DOK6: variants seen among roughly 807,000 people sequenced by gnomAD.
The protein encoded by DOK6 is downstream of tyrosine kinase 6.
Under a neutral mutation model 44.0 loss-of-function variants are expected in DOK6, and 22 were observed. The ratio of observed to expected loss-of-function variants is 0.50; its 90% confidence interval spans 0.36 to 0.71. The LOEUF (loss-of-function observed/expected upper bound fraction) is 0.71. DOK6 is among the 30% of genes least tolerant of loss of function. The pLI is 0.00. For synonymous variants in DOK6, 166 were observed against 145.5 expected (o/e 1.14, Z -1.01); for missense variants, 340 against 416.4 (o/e 0.82, Z 1.60).
At position 69,658,698 on chromosome 18, in the gene DOK6, T is replaced by C. The variant is rs140272913; in HGVS notation, c.290-19036T>C. Among the ~76,000 whole-genome samples, 46 of 152,272 alleles carry C rather than the reference T, an allele frequency of 3.0e-4. No individual in the cohort carries two copies. In the East Asian group the frequency reaches 8.7e-3, roughly 29 times the overall value. On this transcript the variant is annotated intron_variant, in intron 3 of 7. Transcript: ENST00000382713. ...TCTCTATTTATTTCATAAACGGAAA[T>C]GAGTCTTTTTCTGCTGTCTTTTTCT...
At chr18:69,663,487 C>T (rs1422454920) in intron 3 of DOK6, 1 of 151,450 alleles carries the variant, frequency 6.6e-6, no homozygotes, top group African/African-American at 2.4e-5. Flanking sequence ...CTAAACTCCA[C>T]CTGGAATATG....
intron 1 of DOK6, among the ~76,000 whole-genome samples, chr18:69,412,930 T>C (rs1978312545): frequency 6.6e-6 from 1 of 152,096 alleles, no homozygotes; most frequent in African/African-American, 2.4e-5. Context: ...GGAGGAATCT[T>C]CACAGGGGAG....
At chr18:69,668,523 T>G (rs778971222) in intron 3 of DOK6, among the ~76,000 whole-genome samples, 1 of 152,214 alleles carries the variant, frequency 6.6e-6, no homozygotes, top group East Asian at 1.9e-4. Flanking sequence ...ATTTTTGGAG[T>G]GTACTCATAG....
At chr18:69,514,760 G>A (rs1052005229) in intron 1 of DOK6, among the ~76,000 whole-genome samples, 4 of 150,316 alleles carry the variant, frequency 2.7e-5, no homozygotes, top group African/African-American at 9.8e-5. Context: ...AAATTAGGCT[G>A]TTGTCTTTGC....
At chr18:69,430,969 TAAAAG>T (rs971006400) in intron 1 of DOK6, among the ~76,000 whole-genome samples, 1 of 151,994 alleles carries the variant, frequency 6.6e-6, no homozygotes, top group Non-Finnish European at 1.5e-5. Context: ...CGTCTCAAAA[TAAAAG>T]AAGATTACTA....
chr18:69,613,369 A>G (rs910764155), intron 3 of DOK6, among the ~76,000 whole-genome samples: 1 of 152,158 alleles, frequency 6.6e-6, no homozygotes, highest in Non-Finnish European at 1.5e-5. Flanking sequence ...CCTGTTCATT[A>G]AAAGGAGAGC....
intron 3 of DOK6, among the ~76,000 whole-genome samples, chr18:69,640,241 T>C (rs1271446234): frequency 1.3e-5 from 2 of 152,206 alleles, no homozygotes; most frequent in East Asian, 3.9e-4. Context: ...CCTCACTCTT[T>C]GTTAATTCTG....
intron 1 of DOK6, among the ~76,000 whole-genome samples, chr18:69,477,911 T>C (rs1373917923): frequency 6.6e-6 from 1 of 152,202 alleles, no homozygotes; most frequent in Non-Finnish European, 1.5e-5. Context: ...ATTTGAGCCT[T>C]TAGCTTTGAT....
intron 1 of DOK6, among the ~76,000 whole-genome samples, chr18:69,438,993 G>A (rs1238311716): frequency 6.6e-6 from 1 of 152,090 alleles, no homozygotes; most frequent in African/African-American, 2.4e-5. Context: ...AATTTCTGGA[G>A]CCTGGGAGAT....
At chr18:69,829,207 A>C (rs1461318500) in intron 7 of DOK6, among the ~76,000 whole-genome samples, 4 of 151,294 alleles carry the variant, frequency 2.6e-5, no homozygotes, top group Non-Finnish European at 5.9e-5. Flanking sequence ...AAATTATTTT[A>C]ATAATTCTAA....
intron 1 of DOK6, among the ~76,000 whole-genome samples, chr18:69,510,358 T>A (rs1331344009): frequency 6.6e-6 from 1 of 152,220 alleles, no homozygotes; most frequent in Non-Finnish European, 1.5e-5. Flanking sequence ...TACCAGGGTA[T>A]CTTAATACTC....
chr18:69,679,941 TAC>T lies in DOK6; in HGVS notation c.409+2102_409+2103del, dbSNP rs572544996. Among the ~76,000 whole-genome samples the T allele has an allele frequency of 5.2e-3, 787 of 150,952 alleles. 5 individuals carry two copies. Among genetic ancestry groups the T allele is most frequent in the African/African-American group, 0.019 (766 of 41,212 alleles). ...AAGCAGAAGGTGACTTTAAAACACA[TAC>T]ACACACACACACAACACACATACAC... On this transcript the variant is annotated intron_variant, in intron 4 of 7. Transcript: ENST00000382713.
At chr18:69,739,893 T>C (rs1013159623) in intron 6 of DOK6, among the ~76,000 whole-genome samples, 4 of 152,188 alleles carry the variant, frequency 2.6e-5, no homozygotes, top group African/African-American at 9.6e-5. Flanking sequence ...AGTAAGTCTA[T>C]TGTAGTTTAA....
intron 7 of DOK6, chr18:69,831,037 A>G (rs1981887228): frequency 6.6e-6 from 1 of 152,194 alleles, no homozygotes. Flanking sequence ...GAGATCTATT[A>G]TGGGAATTGG....
chr18:69,583,048 T>C (rs974239266), intron 2 of DOK6, among the ~76,000 whole-genome samples: 2 of 152,242 alleles, frequency 1.3e-5, no homozygotes, highest in African/African-American at 4.8e-5. Flanking sequence ...TGTGACCCAG[T>C]GTGAGAAACT....
At chr18:69,552,056 G>A (rs1301772448) in intron 1 of DOK6, among the ~76,000 whole-genome samples, 1 of 152,198 alleles carries the variant, frequency 6.6e-6, no homozygotes, top group Non-Finnish European at 1.5e-5. Flanking sequence ...TTGGATGATT[G>A]TTATATAAAT....
At chr18:69,576,103 C>T (rs1383912300) in intron 2 of DOK6, among the ~76,000 whole-genome samples, 1 of 152,096 alleles carries the variant, frequency 6.6e-6, no homozygotes, top group African/African-American at 2.4e-5. Context: ...TAAATTTGGT[C>T]ATAGTTGCCT....
intron 1 of DOK6, among the ~76,000 whole-genome samples, chr18:69,489,516 GC>G: frequency 6.6e-6 from 1 of 152,178 alleles, no homozygotes; most frequent in East Asian, 1.9e-4. Context: ...ACAAATCTAA[GC>G]TTTTTTGAGG....
At chr18:69,585,796 T>TA in intron 2 of DOK6, among the ~76,000 whole-genome samples, 1 of 152,368 alleles carries the variant, frequency 6.6e-6, no homozygotes, top group Middle Eastern at 3.4e-3. Flanking sequence ...CATAGACTGA[T>TA]ACAATGTCAT....
Sources: allele counts gnomAD v4.1 joint callset (sites outside exome capture counted in the v4.1 genomes callset), GRCh38; gene constraint gnomAD v4.1.1; transcripts MANE v1.5; gene names NCBI Gene and HGNC (gene_info 2026-07-23, HGNC 2026-07-21).